The following OSCP1 variants were observed in gnomAD, a reference collection of about 807,000 sequenced individuals.
The protein encoded by OSCP1 is organic solute carrier partner 1.
In OSCP1, 35 loss-of-function variants were observed where a neutral mutation model predicts 45.1. That is an observed-to-expected ratio of 0.78 (90% confidence interval 0.59 to 1.03). OSCP1 has a LOEUF of 1.03. OSCP1 is among the 50% of genes least tolerant of loss of function. OSCP1 has a pLI of 0.00. For missense variants in OSCP1, 400 were observed against 470.7 expected (o/e 0.85, Z 1.39); for synonymous variants, 179 against 180.1 (o/e 0.99, Z 0.05).
At chr1:36,429,497 T>C (rs919246340) in intron 4 of OSCP1, among the ~76,000 whole-genome samples, 2 of 149,850 alleles carry the variant, frequency 1.3e-5, no homozygotes, top group Admixed American at 1.3e-4. Flanking sequence ...AACAAAGCCC[T>C]GTCCAAGAGA....
chr1:36,446,220 A>C (rs1257839799), intron 1 of OSCP1, among the ~76,000 whole-genome samples: 1 of 129,414 alleles, frequency 7.7e-6, no homozygotes, highest in African/African-American at 2.9e-5. Context: ...ATGGGTTTTC[A>C]CCATGTTGGC....
chr1:36,442,910 C>G (rs1171981564), intron 1 of OSCP1, among the ~76,000 whole-genome samples: 1 of 152,040 alleles, frequency 6.6e-6, no homozygotes, highest in Admixed American at 6.6e-5. Flanking sequence ...GGTGATGGAG[C>G]TGAAATTAGA....
intron 4 of OSCP1, among the ~76,000 whole-genome samples, chr1:36,431,394 T>C (rs1312291444): frequency 6.6e-6 from 1 of 151,506 alleles, no homozygotes; most frequent in East Asian, 1.9e-4. Flanking sequence ...CCCAGGATGG[T>C]ACAGAGCCAT....
rs1006968427 is a variant in OSCP1 at position 36,441,896 on chromosome 1, G to A, written c.113-2986C>T. On this transcript the variant is annotated intron_variant, in intron 1 of 9. Transcript: ENST00000235532. ...CAAATGAGTTCTGCATACTTTTCACGAGGCCGGAATATACTAGGAGCCGGA... is the reference window on the plus strand; with the variant it reads ...CAAATGAGTTCTGCATACTTTTCACAAGGCCGGAATATACTAGGAGCCGGA... 2.0e-5 allele frequency among the ~76,000 whole-genome samples: 3 copies of A among 151,104 alleles called. No individual in the cohort carries two copies. In the East Asian group the frequency reaches 5.8e-4, roughly 29 times the overall value.
intron 4 of OSCP1, among the ~76,000 whole-genome samples, chr1:36,427,833 G>T (rs16866066): frequency 6.6e-6 from 1 of 152,018 alleles, no homozygotes; most frequent in African/African-American, 2.4e-5. Flanking sequence ...CAATGACAGA[G>T]ATCTTAATTT....
At chr1:36,438,633 T>TTTAC (rs1648916339) in intron 2 of OSCP1, 123 bp downstream of exon 2, 1 of 1,191,032 alleles carries the variant, frequency 8.4e-7, no homozygotes, top group South Asian at 1.8e-5. Flanking sequence ...ACTACTAGTA[T>TTTAC]TTACACATGC....
intron 8 of OSCP1, chr1:36,419,386 C>G (rs1446612520): frequency 2.9e-6 from 1 of 339,904 alleles, no homozygotes; most frequent in Non-Finnish European, 5.4e-6. Flanking sequence ...CATGACACAG[C>G]ACTGAAATAA....
At chr1:36,424,824 G>C (rs1267373554) in intron 4 of OSCP1, among the ~76,000 whole-genome samples, 1 of 152,182 alleles carries the variant, frequency 6.6e-6, no homozygotes, top group Non-Finnish European at 1.5e-5. Flanking sequence ...AGATGAGCTT[G>C]AAGATCTTTT....
rs144344454 is a variant in OSCP1 at position 36,431,859 on chromosome 1, C to T, written c.459G>A (p.Gly153=). Residue 153 remains glycine, a synonymous_variant, in exon 4 of 10, where the codon GGG becomes GGA. Coordinates refer to ENST00000235532, the MANE Select transcript of OSCP1 (RefSeq NM_145047.5). Reference sequence around the variant, plus strand: ...GTGTCTGCCGGATCAGCTGGAACTCCCCTGCAGAGAGACCACCATATATCT... The same window carrying T: ...GTGTCTGCCGGATCAGCTGGAACTCTCCTGCAGAGAGACCACCATATATCT... ...LTEIYGGLSA[G]EFQLIRQTLL... is the part of the protein sequence containing the mutation. 17 of 1,613,228 alleles carry T rather than the reference C, an allele frequency of 1.1e-5. No homozygotes were observed. Among genetic ancestry groups the T allele is most frequent in the Non-Finnish European group, 1.4e-5 (17 of 1,179,980 alleles).
chr1:36,432,074 T>C (rs899169172), intron 3 of OSCP1, among the ~76,000 whole-genome samples, 192 bp from the exon 4 acceptor site: 1 of 152,050 alleles, frequency 6.6e-6, no homozygotes, highest in Non-Finnish European at 1.5e-5. Context: ...ACCCCACACC[T>C]GAGCAGGGGT....
chr1:36,432,876 T>G (rs573249364), intron 2 of OSCP1, among the ~76,000 whole-genome samples: 1 of 152,176 alleles, frequency 6.6e-6, no homozygotes, highest in Non-Finnish European at 1.5e-5. Flanking sequence ...TGAAATAATA[T>G]TGGCAGCAGC....
chr1:36,433,359 T>C (rs980235389), intron 2 of OSCP1, among the ~76,000 whole-genome samples: 5 of 152,080 alleles, frequency 3.3e-5, no homozygotes, highest in African/African-American at 1.2e-4. Flanking sequence ...GAGGCAGCAA[T>C]GAGTATGTTA....
chr1:36,446,521 G>A (rs1649551266), intron 1 of OSCP1, among the ~76,000 whole-genome samples: 1 of 152,216 alleles, frequency 6.6e-6, no homozygotes, highest in Admixed American at 6.5e-5. Context: ...GCCAGCAGGG[G>A]TCTCTGTAGT....
intron 1 of OSCP1, 66 bp from the exon 2 acceptor site, chr1:36,438,976 T>TGTGTGCAGGTACAGGAGCTGAGC (rs1361807388): frequency 4.2e-5 from 64 of 1,540,906 alleles, no homozygotes; most frequent in Middle Eastern, 3.4e-4. Flanking sequence ...AAATGCTCTT[T>TGTGTGCAGGTACAGGAGCTGAGC]GTGTGCAGGT....
chr1:36,440,774 T>G (rs527488094), intron 1 of OSCP1: 2 of 152,266 alleles, frequency 1.3e-5, no homozygotes, highest in South Asian at 2.1e-4. Flanking sequence ...AAGCCACACA[T>G]AAGTCCTCAA....
At chr1:36,419,320 G>A in intron 8 of OSCP1, 1 of 478,452 alleles carries the variant, frequency 2.1e-6, no homozygotes, top group Non-Finnish European at 3.7e-6. Flanking sequence ...TAGATCAAAT[G>A]CCAGCTCCTT....
chr1:36,437,858 G>A (rs1387723363), intron 2 of OSCP1, among the ~76,000 whole-genome samples: 2 of 152,070 alleles, frequency 1.3e-5, no homozygotes, highest in African/African-American at 4.8e-5. Flanking sequence ...GTATTCCTGG[G>A]GTTCATAAAT....
In OSCP1 at chr1:36,418,123, C is replaced by T. The variant is rs1199070756; in HGVS notation, c.*16G>A. ...GCAGCCTCTCCCTGGGGGCAGAGGACGCCTGGTCAGAACAGCTATAACTCA... is the reference window on the plus strand; with the variant it reads ...GCAGCCTCTCCCTGGGGGCAGAGGATGCCTGGTCAGAACAGCTATAACTCA... On this transcript the variant is annotated 3_prime_UTR_variant, in exon 10 of 10. Coordinates refer to ENST00000235532, the MANE Select transcript of OSCP1 (RefSeq NM_145047.5). 9 of 1,610,554 alleles carry T rather than the reference C, an allele frequency of 5.6e-6. No individual in the cohort carries two copies. The highest frequency in any genetic ancestry group is 1.3e-5 in the African/African-American group (1 of 74,982).
chr1:36,422,702 T>G, intron 6 of OSCP1, 66 bp downstream of exon 6: 4 of 304,650 alleles, frequency 1.3e-5, no homozygotes, highest in Non-Finnish European at 1.3e-5. Flanking sequence ...GCTGTTTCTC[T>G]TTTTTTTTTT....
Sources: gnomAD v4.1 joint callset for allele counts (sites outside exome capture counted in the v4.1 genomes callset) on GRCh38, gnomAD v4.1.1 for gene constraint, MANE v1.5 for transcripts, NCBI Gene and HGNC (gene_info 2026-07-23, HGNC 2026-07-21) for gene names.